DDC: variants seen among roughly 807,000 people sequenced by gnomAD.
DDC encodes the protein dopa decarboxylase.
A neutral mutation model predicts 60.0 loss-of-function variants in DDC; 43 were observed. The observed-to-expected ratio is 0.72, with a 90% CI of 0.56 to 0.92. DDC has a LOEUF of 0.92. DDC is among the 40% of genes least tolerant of loss of function. The pLI is 0.00. For synonymous variants in DDC, 232 were observed against 234.6 expected, an observed-to-expected ratio of 0.99 and a Z score of 0.10; for missense variants, 573 against 620.2, an observed-to-expected ratio of 0.92 and a Z score of 0.81.
chr7:50,466,882 A>T (rs2042410781), intron 13 of DDC, among the ~76,000 whole-genome samples: 1 of 152,232 alleles, frequency 6.6e-6, no homozygotes, highest in Non-Finnish European at 1.5e-5. Flanking sequence ...CAGATTAGTG[A>T]GGCTATGGAC....
At chr7:50,501,184 C>T (rs2043245904) in intron 7 of DDC, among the ~76,000 whole-genome samples, 1 of 152,376 alleles carries the variant, frequency 6.6e-6, no homozygotes, top group South Asian at 2.1e-4. Context: ...CCTTCTGAGA[C>T]TTCCCAGGAA....
intron 2 of DDC, 184 bp from the exon 3 acceptor site, chr7:50,540,212 A>C: frequency 1.6e-6 from 1 of 636,758 alleles, no homozygotes. Context: ...GCATTTACAC[A>C]TCACCTTACT....
At position 50,518,626 on chromosome 7, in the gene DDC, A is replaced by T. The variant is rs562066634; in HGVS notation, c.714+9511T>A. ...GATCTTCAACAAAGCAAACAAAAAC[A>T]TAAAGTGGGGGAAAGGACACCCTTT... On this transcript the variant is annotated intron_variant, in intron 6 of 14. Transcript: ENST00000444124. 3.2e-4 allele frequency among the ~76,000 whole-genome samples: 48 copies of T among 152,338 alleles called. 1 individual carries two copies. The Middle Eastern group carries it at 0.01, about 32-fold the overall frequency.
intron 8 of DDC, among the ~76,000 whole-genome samples, chr7:50,496,723 G>T (rs1053616813): frequency 5.3e-5 from 8 of 152,170 alleles, no homozygotes; most frequent in Non-Finnish European, 1.0e-4. Flanking sequence ...AATAAAGGTG[G>T]CTGTTGCAGT....
At chr7:50,526,289 T>A (rs556442836) in intron 6 of DDC, among the ~76,000 whole-genome samples, 1 of 152,172 alleles carries the variant, frequency 6.6e-6, no homozygotes, top group African/African-American at 2.4e-5. Context: ...AATGGACTTA[T>A]ACAAAGTACC....
intron 7 of DDC, among the ~76,000 whole-genome samples, chr7:50,499,521 A>G (rs1375355566): frequency 1.3e-5 from 2 of 152,150 alleles, no homozygotes; most frequent in Non-Finnish European, 2.9e-5. Flanking sequence ...CCAAGGGACC[A>G]TCGTGTGACA....
At chr7:50,473,079 G>A (rs929062892) in intron 11 of DDC, among the ~76,000 whole-genome samples, 2 of 152,250 alleles carry the variant, frequency 1.3e-5, no homozygotes, top group African/African-American at 4.8e-5. Flanking sequence ...CCTGAGAGGT[G>A]CATGTGAGCA....
chr7:50,465,331 T>C (rs2042370291), intron 13 of DDC, among the ~76,000 whole-genome samples: 1 of 152,166 alleles, frequency 6.6e-6, no homozygotes, highest in African/African-American at 2.4e-5. Context: ...TAGATTGTGG[T>C]GATGGCTGCA....
At chr7:50,516,058 A>G (rs2043719223) in intron 6 of DDC, among the ~76,000 whole-genome samples, 1 of 152,176 alleles carries the variant, frequency 6.6e-6, no homozygotes, top group South Asian at 2.1e-4. Context: ...GATTTAAACT[A>G]TATCCTGGAA....
chr7:50,500,012 G>T (rs1184279545), intron 7 of DDC, among the ~76,000 whole-genome samples: 1 of 152,194 alleles, frequency 6.6e-6, no homozygotes, highest in African/African-American at 2.4e-5. Flanking sequence ...TTTACAATGT[G>T]CTTGCCAGGA....
intron 7 of DDC, among the ~76,000 whole-genome samples, chr7:50,500,802 TA>T (rs2043235588): frequency 6.6e-6 from 1 of 152,200 alleles, no homozygotes; most frequent in South Asian, 2.1e-4. Context: ...TGAAACGCCT[TA>T]TGTCTTTTAT....
At chr7:50,548,924 A>G (rs999846052) in intron 1 of DDC, among the ~76,000 whole-genome samples, 1 of 152,210 alleles carries the variant, frequency 6.6e-6, no homozygotes, top group South Asian at 2.1e-4. Flanking sequence ...GTTGCAGCCT[A>G]TGCTTACTTA....
intron 8 of DDC, among the ~76,000 whole-genome samples, chr7:50,497,710 C>T (rs1391557580): frequency 6.6e-6 from 1 of 152,178 alleles, no homozygotes; most frequent in Non-Finnish European, 1.5e-5. Context: ...ACCCTCTCTC[C>T]AGTGCGTACA....
At chr7:50,553,492 T>C (rs1274638616) in intron 1 of DDC, among the ~76,000 whole-genome samples, 1 of 141,332 alleles carries the variant, frequency 7.1e-6, no homozygotes, top group Non-Finnish European at 1.5e-5. Flanking sequence ...TTCTTTTTTT[T>C]TTTTTTTTTT....
intron 1 of DDC, among the ~76,000 whole-genome samples, chr7:50,552,028 TA>T (rs879907307): frequency 1.3e-5 from 2 of 152,108 alleles, no homozygotes; most frequent in Non-Finnish European, 2.9e-5. Context: ...GGCTCTGGAA[TA>T]AAAAAACACA....
intron 9 of DDC, among the ~76,000 whole-genome samples, chr7:50,480,611 G>A (rs745861914): frequency 9.2e-5 from 14 of 152,160 alleles, no homozygotes; most frequent in South Asian, 2.1e-4. Context: ...GGAGTCTGAC[G>A]CTACCTCTAG....
At position 50,540,110 on chromosome 7, in the gene DDC, C is replaced by T. The variant is rs976102944; in HGVS notation, c.202-82G>A. 9 of 1,068,908 alleles carry T rather than the reference C, an allele frequency of 8.4e-6. No homozygotes were observed. In the African/African-American group the frequency reaches 1.3e-4, roughly 15 times the overall value. The allele number at this position is 1,068,908 out of a possible 1,614,324, so 66.2% of individuals were successfully genotyped here. A position where few individuals can be genotyped will look rare whatever the true frequency, so the allele number is the denominator to read the frequency against. On this transcript the variant is annotated intron_variant, in intron 2 of 14. Transcript: ENST00000444124. The stretch of plus-strand genomic sequence containing the variant: ...GCGGGGGACCCAGGTACCCCCATGG[C>T]TCCCAGCTGCCAGATGCAGCCAGAC...
intron 1 of DDC, among the ~76,000 whole-genome samples, chr7:50,547,918 T>A (rs11765748): frequency 0.44 from 66,477 of 152,110 alleles, 15,119 homozygotes; most frequent in Non-Finnish European, 0.51. Flanking sequence ...ATCCAGCAAG[T>A]CTATAGGCAC....
At chr7:50,527,906 A>T (rs780976540) in intron 6 of DDC, 3 of 453,314 alleles carry the variant, frequency 6.6e-6, no homozygotes, top group East Asian at 4.3e-5. Context: ...TCAAAGATTA[A>T]TTTTTTTTGA....
Sources: allele counts gnomAD v4.1 joint callset (sites outside exome capture counted in the v4.1 genomes callset), GRCh38; gene constraint gnomAD v4.1.1; transcripts MANE v1.5; gene names NCBI Gene and HGNC (gene_info 2026-07-23, HGNC 2026-07-21).